PPARGC1A: variants seen among roughly 807,000 people sequenced by gnomAD.
PPARGC1A encodes PPARG coactivator 1 alpha, also known as peroxisome proliferator-activated receptor gamma coactivator 1-alpha.
In PPARGC1A, 25 loss-of-function variants were observed where a neutral mutation model predicts 88.7. The observed-to-expected ratio is 0.28, with a 90% CI of 0.21 to 0.39. The LOEUF is 0.39. PPARGC1A is among the 10% of genes least tolerant of loss of function. PPARGC1A has a pLI of 1.00. For missense variants in PPARGC1A, 880 were observed against 968.7 expected (o/e 0.91, Z 1.22); for synonymous variants, 363 against 355.6 (o/e 1.02, Z -0.24).
chr4:24,061,653 G>T, the PPARGC1A span, among the ~76,000 whole-genome samples: 2 of 152,242 alleles, frequency 1.3e-5, no homozygotes, highest in Non-Finnish European at 2.9e-5. Context: ...ACTTGAAGCT[G>T]TTGACTCAGC....
the PPARGC1A span, among the ~76,000 whole-genome samples, chr4:24,294,355 G>A: frequency 5.3e-5 from 8 of 152,102 alleles, no homozygotes; most frequent in Non-Finnish European, 7.4e-5. Context: ...TCTTTAAAAT[G>A]TATATTACAG....
the PPARGC1A span, among the ~76,000 whole-genome samples, chr4:24,265,024 GT>G: frequency 1.3e-5 from 2 of 152,158 alleles, no homozygotes; most frequent in Non-Finnish European, 2.9e-5. Flanking sequence ...GTATGACATT[GT>G]ATATGTCATA....
chr4:24,109,000 A>ACACACACACACACAC, the PPARGC1A span, among the ~76,000 whole-genome samples: 72 of 148,762 alleles, frequency 4.8e-4, no homozygotes, highest in East Asian at 0.014. Context: ...TAAAAATCAC[A>ACACACACACACACAC]CACACACACA....
chr4:24,387,052 A>G, the PPARGC1A span, among the ~76,000 whole-genome samples: 3 of 152,166 alleles, frequency 2.0e-5, no homozygotes, highest in Non-Finnish European at 4.4e-5. Context: ...TACATAGACC[A>G]ATGGAACAGA....
chr4:24,312,979 T>G, the PPARGC1A span, among the ~76,000 whole-genome samples: 5 of 152,004 alleles, frequency 3.3e-5, no homozygotes, highest in Non-Finnish European at 7.4e-5. Flanking sequence ...AAAGGATATT[T>G]CAAAAAATTG....
intron 10 of PPARGC1A, among the ~76,000 whole-genome samples, chr4:23,807,351 A>G (rs1281578506): frequency 6.6e-6 from 1 of 152,200 alleles, no homozygotes; most frequent in Non-Finnish European, 1.5e-5. Flanking sequence ...CTTAGAGAAA[A>G]AACAAAATTG....
At chr4:24,444,353 A>G in the PPARGC1A span, among the ~76,000 whole-genome samples, 3 of 152,106 alleles carry the variant, frequency 2.0e-5, no homozygotes, top group South Asian at 2.1e-4. Flanking sequence ...CTTTTTAAAC[A>G]AGGAATTGCC....
intron 4 of PPARGC1A, among the ~76,000 whole-genome samples, chr4:23,829,109 G>A (rs554223800): frequency 6.0e-4 from 92 of 152,298 alleles, no homozygotes; most frequent in Non-Finnish European, 1.1e-3. Context: ...TCTTTCTCAG[G>A]TTAGACAGCT....
At chr4:24,137,897 G>C in the PPARGC1A span, among the ~76,000 whole-genome samples, 1 of 152,182 alleles carries the variant, frequency 6.6e-6, no homozygotes, top group South Asian at 2.1e-4. Context: ...CAGGTAAAAC[G>C]ACTTGATAAT....
the PPARGC1A span, among the ~76,000 whole-genome samples, chr4:24,352,716 A>G: frequency 1.3e-5 from 2 of 152,216 alleles, no homozygotes; most frequent in East Asian, 3.9e-4. Context: ...TGCCCAGGCT[A>G]TCTTTGAGTT....
chr4:24,102,772 AG>A, the PPARGC1A span, among the ~76,000 whole-genome samples: 1 of 152,152 alleles, frequency 6.6e-6, no homozygotes, highest in East Asian at 1.9e-4. Context: ...GAGGAACGGC[AG>A]GGAGGCAAAG....
the PPARGC1A span, among the ~76,000 whole-genome samples, chr4:24,340,488 T>C: frequency 6.6e-6 from 1 of 152,322 alleles, no homozygotes; most frequent in South Asian, 2.1e-4. Context: ...TCTATTTAAT[T>C]ATCTTCTCCC....
chr4:23,804,293 C>T (rs1273197354), intron 10 of PPARGC1A, among the ~76,000 whole-genome samples: 1 of 152,128 alleles, frequency 6.6e-6, no homozygotes, highest in East Asian at 1.9e-4. Context: ...ATTTAACTAC[C>T]TCCCTTTACT....
At chr4:23,851,605 T>C (rs1436336353) in intron 2 of PPARGC1A, among the ~76,000 whole-genome samples, 1 of 152,040 alleles carries the variant, frequency 6.6e-6, no homozygotes, top group Non-Finnish European at 1.5e-5. Flanking sequence ...TTACCAAATA[T>C]GTGCATAACC....
chr4:23,944,785 TG>T, the PPARGC1A span, among the ~76,000 whole-genome samples: 1 of 152,160 alleles, frequency 6.6e-6, no homozygotes, highest in African/African-American at 2.4e-5. Context: ...GCTGCTGCCG[TG>T]TAAAGAGGGA....
chr4:24,277,916 C>T, the PPARGC1A span, among the ~76,000 whole-genome samples: 5 of 152,104 alleles, frequency 3.3e-5, no homozygotes, highest in South Asian at 6.2e-4. Context: ...GGCTCATACC[C>T]GTAACCCCAG....
chr4:23,815,018 G>T (rs1410787534), intron 7 of PPARGC1A, among the ~76,000 whole-genome samples: 2 of 151,946 alleles, frequency 1.3e-5, no homozygotes, highest in Non-Finnish European at 2.9e-5. Context: ...GAATAGCCTT[G>T]GTAGCATTTG....
the PPARGC1A span, among the ~76,000 whole-genome samples, chr4:24,151,220 C>T: frequency 6.6e-6 from 1 of 152,184 alleles, no homozygotes; most frequent in African/African-American, 2.4e-5. Flanking sequence ...ACAGTCTTAG[C>T]AGGCTGGGTG....
At chr4:23,921,396 T>A in the PPARGC1A span, among the ~76,000 whole-genome samples, 2 of 152,226 alleles carry the variant, frequency 1.3e-5, no homozygotes, top group Non-Finnish European at 2.9e-5. Flanking sequence ...AAACACCTTG[T>A]AATTTAAAAC....
Sources: allele counts gnomAD v4.1 joint callset (sites outside exome capture counted in the v4.1 genomes callset), GRCh38; gene constraint gnomAD v4.1.1; transcripts MANE v1.5; gene names NCBI Gene and HGNC (gene_info 2026-07-23, HGNC 2026-07-21).